Variants in MTSS2 observed in about 807,000 individuals in gnomAD.
The protein encoded by MTSS2 is protein MTSS 2.
Under a neutral mutation model 67.1 loss-of-function variants are expected in MTSS2, and 27 were observed. That is an observed-to-expected ratio of 0.40 (90% CI 0.30 to 0.55). The LOEUF is 0.55. Among genes scored for constraint, MTSS2 ranks in the 20% least tolerant of loss-of-function variants. MTSS2 has a pLI of 0.43. For missense variants in MTSS2, 1,171 were observed against 1,067.8 expected (o/e 1.10, Z -1.35); for synonymous variants, 624 against 468.6 (o/e 1.33, Z -4.28).
chr16:70,669,900 C>A (rs2052867252), intron 11 of MTSS2, among the ~76,000 whole-genome samples: 1 of 152,000 alleles, frequency 6.6e-6, no homozygotes. Flanking sequence ...TACTATTACT[C>A]TGCACCCACT....
chr16:70,685,780 C>A lies in MTSS2; in HGVS notation c.12G>T (p.Ala4=). 7.3e-7 allele frequency: 1 copy of A among 1,377,556 alleles called. No homozygotes were observed. Among genetic ancestry groups the A allele is most frequent in the Non-Finnish European group, 9.6e-7 (1 of 1,045,618 alleles). The allele number at this position is 1,377,556 out of a possible 1,614,324, so 85.3% of individuals were successfully genotyped here. A position where few individuals can be genotyped will look rare whatever the true frequency, so the allele number is the denominator to read the frequency against. The part of the protein sequence containing the change: MET[A]EKECGALGGL... ...CGCCCAGGGCGCCGCACTCCTTCTC[C>A]GCCGTCTCCATGCTCTGGCTGGGCC... is the stretch of plus-strand genomic sequence containing the variant. Residue 4 remains alanine, a synonymous_variant, in exon 1 of 15, where the codon GCG becomes GCT. Coordinates refer to ENST00000338779, the MANE Select transcript of MTSS2 (RefSeq NM_138383.3).
intron 11 of MTSS2, among the ~76,000 whole-genome samples, chr16:70,672,871 T>C (rs1182126723): frequency 1.3e-5 from 2 of 151,946 alleles, no homozygotes; most frequent in African/African-American, 2.4e-5. Context: ...AGTAAAGAGA[T>C]AATGACTGGC....
chr16:70,679,933 T>TGCCCCCCCCCCCCC, intron 4 of MTSS2, 38 bp downstream of exon 4: 1 of 1,149,452 alleles, frequency 8.7e-7, no homozygotes, highest in Non-Finnish European at 1.2e-6. Context: ...CGACGCCCCG[T>TGCCCCCCCCCCCCC]CCCCCCGCCC....
intron 6 of MTSS2, 121 bp downstream of exon 6, chr16:70,679,509 G>A: frequency 1.6e-6 from 2 of 1,260,818 alleles, no homozygotes; most frequent in South Asian, 2.9e-5. Flanking sequence ...CAGGTTGGAG[G>A]GTCCTGTGTC....
intron 10 of MTSS2, among the ~76,000 whole-genome samples, chr16:70,675,710 C>G (rs1303592836): frequency 6.6e-6 from 1 of 152,210 alleles, no homozygotes; most frequent in Admixed American, 6.5e-5. Flanking sequence ...ACGACTGCCC[C>G]CGGTGAGTCC....
chr16:70,669,374 T>C (rs1361706474), intron 11 of MTSS2, among the ~76,000 whole-genome samples: 1 of 152,200 alleles, frequency 6.6e-6, no homozygotes, highest in Non-Finnish European at 1.5e-5. Context: ...GGGAATATTC[T>C]AACGGTCTTT....
chr16:70,680,910 G>GGGT (rs1555511271), intron 2 of MTSS2, 43 bp from the exon 3 acceptor site: 8 of 1,503,106 alleles, frequency 5.3e-6, no homozygotes, highest in Non-Finnish European at 7.3e-6. Context: ...TGGTTGGGCG[G>GGGT]GGGGGGGGCC....
chr16:70,661,543 T>TAA lies in MTSS2; in HGVS notation c.*2132_*2133dup, dbSNP rs538437885. 189 of 351,854 alleles carry TAA rather than the reference T, an allele frequency of 5.4e-4. 3 individuals are homozygous for TAA. The highest frequency in any genetic ancestry group is 3.6e-3 in the South Asian group (167 of 46,700). 21.8% of individuals were successfully genotyped at this position (351,854 alleles called of 1,614,324 possible). ...TACAAAATGAGAAATTAAACGAACG[T>TAA]AAAGTCCCCCAAACCAAAGTTTGTG... On this transcript the variant is annotated 3_prime_UTR_variant, in exon 15 of 15. Coordinates refer to ENST00000338779, the MANE Select transcript of MTSS2 (RefSeq NM_138383.3).
intron 1 of MTSS2, among the ~76,000 whole-genome samples, chr16:70,685,407 A>G (rs2142953082): frequency 6.6e-6 from 1 of 152,260 alleles, no homozygotes; most frequent in East Asian, 1.9e-4. Context: ...AGGGCCCTAG[A>G]GTCGGTCCTG....
chr16:70,680,213 C>T (rs2053259510), intron 3 of MTSS2, among the ~76,000 whole-genome samples, 158 bp from the exon 4 acceptor site: 1 of 151,940 alleles, frequency 6.6e-6, no homozygotes, highest in Non-Finnish European at 1.5e-5. Context: ...GATTCGGGGC[C>T]TCCTCCATCT....
intron 11 of MTSS2, among the ~76,000 whole-genome samples, chr16:70,666,673 G>A (rs762365174): frequency 6.6e-6 from 1 of 152,224 alleles, no homozygotes; most frequent in African/African-American, 2.4e-5. Context: ...CACCTGTGAG[G>A]ATTTGGAGGA....
chr16:70,664,158 G>T lies in MTSS2; in HGVS notation c.1763C>A (p.Pro588Gln). The T allele has an allele frequency of 1.2e-6, 2 of 1,607,090 alleles. No individual in the cohort carries two copies. Among genetic ancestry groups the T allele is most frequent in the Non-Finnish European group, 1.7e-6 (2 of 1,179,522 alleles). The change falls in exon 15 of 15, where the codon CCG becomes CAG. Residue 588 changes from proline to glutamine, a missense_variant. This residue lies in a region of MTSS2 where 924 missense variants were observed against 756.0 expected (regional missense o/e 1.22). Coordinates refer to ENST00000338779, the MANE Select transcript of MTSS2 (RefSeq NM_138383.3). ...GGGCGTCTTCACAGGGACGATGGGCGGCCGGATGGGGATGGGGCCAGCGCT... is the reference window on the plus strand; with the variant it reads ...GGGCGTCTTCACAGGGACGATGGGCTGCCGGATGGGGATGGGGCCAGCGCT... ...LSSAGPIPIR[P>Q]PIVPVKTPTV...
intron 10 of MTSS2, among the ~76,000 whole-genome samples, chr16:70,676,635 G>C (rs188797346): frequency 9.2e-5 from 14 of 152,322 alleles, no homozygotes; most frequent in South Asian, 4.1e-4. Flanking sequence ...CTGGCACATA[G>C]TGGATGCTCC....
intron 6 of MTSS2, 64 bp downstream of exon 6, chr16:70,679,566 C>CGGGGCGGT (rs1341456621): frequency 4.9e-5 from 74 of 1,495,880 alleles, no homozygotes; most frequent in African/African-American, 7.0e-5. Context: ...GGGCGCCCCA[C>CGGGGCGGT]GGGGCGGTGG....
rs1288783232 is a variant in MTSS2, at chr16:70,677,819, G to C, written c.705C>G (p.Pro235=). 3.1e-6 allele frequency: 5 copies of C among 1,611,446 alleles called. No homozygotes were observed. Among genetic ancestry groups the C allele is most frequent in the Non-Finnish European group, 4.2e-6 (5 of 1,179,340 alleles). ...IDDLVVLTAE[P]HKLPPASEQV... is the part of the protein sequence containing the mutation. ...GCTCGCTGGCGGGAGGCAGTTTGTG[G>C]GGTTCTGCTGTCAGCACCACCAAGT... The change falls in exon 9 of 15, where the codon CCC becomes CCG. Residue 235 remains proline (P), a synonymous_variant. Coordinates refer to ENST00000338779, the MANE Select transcript of MTSS2 (RefSeq NM_138383.3).
At chr16:70,671,185 C>T (rs1305109575) in intron 11 of MTSS2, among the ~76,000 whole-genome samples, 5 of 151,842 alleles carry the variant, frequency 3.3e-5, no homozygotes, top group African/African-American at 9.7e-5. Flanking sequence ...GAGGCTGGCA[C>T]AGGCGGATCA....
At chr16:70,665,607 A>G in intron 11 of MTSS2, 67 bp from the exon 12 acceptor site, 1 of 1,410,564 alleles carries the variant, frequency 7.1e-7, no homozygotes, top group Non-Finnish European at 9.6e-7. Context: ...AGGAGAGGAG[A>G]GAACAGTTTT....
At chr16:70,673,118 C>T (rs774642088) in intron 11 of MTSS2, among the ~76,000 whole-genome samples, 75 of 151,994 alleles carry the variant, frequency 4.9e-4, no homozygotes, top group Non-Finnish European at 1.6e-4. Context: ...GAGCCAAGAT[C>T]GCGCCACTGT....
chr16:70,678,430 G>A (rs377026393), intron 7 of MTSS2, 21 bp from the exon 8 acceptor site: 1 of 1,594,988 alleles, frequency 6.3e-7, no homozygotes, highest in Non-Finnish European at 8.5e-7. Flanking sequence ...GGGGAGGAGA[G>A]GCCTTGCTGG....
Sources: gnomAD v4.1 joint callset for allele counts (sites outside exome capture counted in the v4.1 genomes callset) on GRCh38, gnomAD v4.1.1 for gene constraint, gnomAD v4.1.1 regional missense constraint, MANE v1.5 for transcripts, NCBI Gene and HGNC (gene_info 2026-07-23, HGNC 2026-07-21) for gene names.